Variants in FBLN2 observed in about 807,000 individuals in gnomAD.
FBLN2 encodes fibulin-2.
A neutral mutation model predicts 123.7 loss-of-function variants in FBLN2; 81 were observed. That is an observed-to-expected ratio of 0.65 (90% confidence interval 0.55 to 0.79). FBLN2 has a LOEUF of 0.79. Ranked by LOEUF, FBLN2 falls within the 30% of genes least tolerant of loss-of-function variation. The pLI, the probability that FBLN2 is intolerant of heterozygous loss-of-function variation, is 0.00. For synonymous variants in FBLN2, 699 were observed against 701.4 expected (o/e 1.00, Z 0.05); for missense variants, 1,603 against 1,681.3 (o/e 0.95, Z 0.81).
chr3:13,564,752 C>T (rs753832), intron 1 of FBLN2, among the ~76,000 whole-genome samples: 234 of 152,386 alleles, frequency 1.5e-3, no homozygotes, highest in Non-Finnish European at 2.8e-3. Flanking sequence ...GATGTCCCCC[C>T]AGGTGGCCTT....
intron 5 of FBLN2, among the ~76,000 whole-genome samples, chr3:13,616,477 T>A (rs886905051): frequency 6.6e-6 from 1 of 152,346 alleles, no homozygotes; most frequent in African/African-American, 2.4e-5. Flanking sequence ...GTCCGCCGCC[T>A]GCCTGCAGTG....
chr3:13,614,016 C>G lies in FBLN2; in HGVS notation c.1581C>G (p.Arg527=). Reference sequence around the variant, plus strand: ...GTGACTGCTGTGGCCTGGGCCTCCGCGTGCGGGCCGAGGGCCAGTCGTGTG... The same window carrying G: ...GTGACTGCTGTGGCCTGGGCCTCCGGGTGCGGGCCGAGGGCCAGTCGTGTG... ...QCCDCCGLGL[R]VRAEGQSCES... is the part of the protein sequence containing the mutation. Residue 527 remains arginine (R), a synonymous_variant, in exon 5 of 18, where the codon CGC becomes CGG. Coordinates refer to ENST00000404922, the MANE Select transcript of FBLN2 (RefSeq NM_001004019.2). The G allele has an allele frequency of 6.2e-7, 1 of 1,613,176 alleles. No individual in the cohort carries two copies. Among genetic ancestry groups the G allele is most frequent in the Non-Finnish European group, 8.5e-7 (1 of 1,179,858 alleles).
chr3:13,619,901 G>A, intron 8 of FBLN2, 70 bp downstream of exon 8: 1 of 1,255,374 alleles, frequency 8.0e-7, no homozygotes, highest in East Asian at 2.5e-5. Context: ...CTCCAGGTGG[G>A]GGTGGCTGAG....
chr3:13,577,291 T>A (rs1205204296), intron 2 of FBLN2, among the ~76,000 whole-genome samples: 1 of 135,672 alleles, frequency 7.4e-6, no homozygotes, highest in African/African-American at 2.8e-5. Context: ...CCTGGGGCGG[T>A]GACCCGAGCA....
At chr3:13,557,081 A>G (rs1466081048) in intron 1 of FBLN2, among the ~76,000 whole-genome samples, 1 of 152,158 alleles carries the variant, frequency 6.6e-6, no homozygotes, top group Non-Finnish European at 1.5e-5. Flanking sequence ...GCTTTCTTTT[A>G]TTTCCACTTC....
At chr3:13,570,253 G>A (rs531507800) in intron 1 of FBLN2, 62 bp from the exon 2 acceptor site, 9 of 1,434,118 alleles carry the variant, frequency 6.3e-6, no homozygotes, top group East Asian at 2.5e-5. Context: ...GTGCGTGCCG[G>A]TGTGCACCGT....
rs75629823 is a variant in FBLN2 at position 13,555,841 on chromosome 3, G to C, written c.-42+6633G>C. ...GTCTAGAGACGGTCTCCAATAGCCA[G>C]ATTGGTTCAGAGGGATTCGCGGGGA... On this transcript the variant is annotated intron_variant, in intron 1 of 17. Coordinates refer to ENST00000404922, the MANE Select transcript of FBLN2 (RefSeq NM_001004019.2). Among the ~76,000 whole-genome samples the C allele has an allele frequency of 6.8e-3, 1,038 of 152,376 alleles. 6 individuals are homozygous for C. Among genetic ancestry groups the C allele is most frequent in the Middle Eastern group, 0.014 (4 of 294 alleles).
rs570090723 is a variant in FBLN2, at chr3:13,560,660, T to C, written c.-41-9655T>C. ...ATGAAGGCAACTGTAGTTTTCAAGATTGAAGCCAACTTGATTACTTTGCTC... is the reference window on the plus strand; with the variant it reads ...ATGAAGGCAACTGTAGTTTTCAAGACTGAAGCCAACTTGATTACTTTGCTC... On this transcript the variant is annotated intron_variant, in intron 1 of 17. Coordinates refer to ENST00000404922, the MANE Select transcript of FBLN2 (RefSeq NM_001004019.2). Among the ~76,000 whole-genome samples the C allele has an allele frequency of 7.9e-5, 12 of 152,354 alleles. 1 individual carries two copies. In the South Asian group the frequency reaches 2.3e-3, roughly 29 times the overall value.
chr3:13,618,182 G>A lies in FBLN2; in HGVS notation c.1836G>A (p.Pro612=), dbSNP rs769249181. 2.3e-5 allele frequency: 37 copies of A among 1,613,688 alleles called. No homozygotes were observed. In the South Asian group the frequency reaches 3.0e-4, roughly 13 times the overall value. ...ACCAGGATGAGTGCCTTCTCCTCCC[G>A]GGAGAGCTGTGCCAGCACCTTTGCA... ...GDDQDECLLL[P]GELCQHLCIN... Residue 612 remains proline, a synonymous_variant, in exon 6 of 18, where the codon CCG becomes CCA. Transcript: ENST00000404922.
At chr3:13,550,211 GGAGGTGGTTCCTCCT>G (rs1171732605) in intron 1 of FBLN2, among the ~76,000 whole-genome samples, 1 of 152,214 alleles carries the variant, frequency 6.6e-6, no homozygotes, top group Non-Finnish European at 1.5e-5. Flanking sequence ...TTTGGAGGAG[GGAGGTGGTTCCTCCT>G]GACAGAGGCT....
chr3:13,605,470 C>T (rs1047363775), intron 2 of FBLN2, among the ~76,000 whole-genome samples: 1 of 152,044 alleles, frequency 6.6e-6, no homozygotes, highest in African/African-American at 2.4e-5. Context: ...TCCTTTTCTC[C>T]CTTAGTGCTG....
intron 2 of FBLN2, among the ~76,000 whole-genome samples, chr3:13,605,985 C>G (rs771571809): frequency 6.6e-6 from 1 of 152,122 alleles, no homozygotes; most frequent in Non-Finnish European, 1.5e-5. Flanking sequence ...TGCAGTGGCT[C>G]CATCTCAGCT....
intron 2 of FBLN2, among the ~76,000 whole-genome samples, chr3:13,585,803 A>G (rs1704478393): frequency 6.6e-6 from 1 of 152,136 alleles, no homozygotes; most frequent in African/African-American, 2.4e-5. Context: ...AAAAAGCAAA[A>G]CAAAACAAAA....
At chr3:13,617,934 C>T in intron 5 of FBLN2, 142 bp from the exon 6 acceptor site, 3 of 649,796 alleles carry the variant, frequency 4.6e-6, no homozygotes, top group Non-Finnish European at 8.0e-6. Flanking sequence ...ACCCATCCAT[C>T]CATCCTGCTT....
Position 13,618,111 on chromosome 3 carries a change from T to G in FBLN2, c.1765T>G (p.Ser589Ala). The G allele has an allele frequency of 6.2e-7, 1 of 1,613,468 alleles. No homozygotes were observed. Among genetic ancestry groups the G allele is most frequent in the East Asian group, 2.2e-5 (1 of 44,866 alleles). ...AGAGATGGCGGGCCGAGAGGCCCTG[T>G]CACTGGGCACAGAGGCCGAGCTGCC... Reference protein sequence around the residue: ...EAEMAGREALSLGTEAELPNS... With the variant: ...EAEMAGREALALGTEAELPNS... The change falls in exon 6 of 18, where the codon TCA becomes GCA. Residue 589 changes from serine (S) to alanine (A), a missense_variant. Physicochemically the swap from Ser to Ala is moderately conservative, Grantham distance 99. Transcript: ENST00000404922.
intron 2 of FBLN2, among the ~76,000 whole-genome samples, chr3:13,586,499 T>G (rs1704506027): frequency 1.3e-5 from 2 of 148,274 alleles, no homozygotes; most frequent in Admixed American, 6.7e-5. Context: ...TTAGTTGTTT[T>G]TTTTTTTTTT....
chr3:13,622,524 A>C (rs892465877), intron 9 of FBLN2, among the ~76,000 whole-genome samples: 22 of 152,248 alleles, frequency 1.4e-4, no homozygotes, highest in African/African-American at 4.8e-4. Context: ...TTCCTTTGCT[A>C]TGTGACCTTG....
At chr3:13,591,029 C>T (rs1704658438) in intron 2 of FBLN2, among the ~76,000 whole-genome samples, 1 of 152,248 alleles carries the variant, frequency 6.6e-6, no homozygotes, top group African/African-American at 2.4e-5. Flanking sequence ...ACCAGCCATG[C>T]ATGAGAGTTC....
Position 13,627,893 on chromosome 3 carries a change from C to T in FBLN2, c.2493C>T (p.Thr831=), listed in dbSNP as rs768389085. 14 of 1,613,696 alleles carry T rather than the reference C, an allele frequency of 8.7e-6. No individual in the cohort carries two copies. The Admixed American group carries it at 1.5e-4, about 17-fold the overall frequency. Reference sequence around the variant, plus strand: ...AGCCGGGCTTCTTGTGCCAGAACACCAAGGGCTCCTTCTACTGCCAGGCCA... The same window carrying T: ...AGCCGGGCTTCTTGTGCCAGAACACTAAGGGCTCCTTCTACTGCCAGGCCA... The part of the protein sequence containing the change: ...TCQPGFLCQN[T]KGSFYCQARQ... The change falls in exon 11 of 18, where the codon ACC becomes ACT. Residue 831 remains threonine (T), a synonymous_variant. Transcript: ENST00000404922.
Sources: allele counts gnomAD v4.1 joint callset (sites outside exome capture counted in the v4.1 genomes callset), GRCh38; gene constraint gnomAD v4.1.1; transcripts MANE v1.5; gene names NCBI Gene and HGNC (gene_info 2026-07-23, HGNC 2026-07-21).